The following LRP1B variants were observed in gnomAD, a reference collection of about 807,000 sequenced individuals.
The protein encoded by LRP1B is LDL receptor related protein 1B.
In LRP1B, 217 loss-of-function variants were observed where a neutral mutation model predicts 556.6. That is an observed-to-expected ratio of 0.39 (90% CI 0.35 to 0.44). The LOEUF is 0.44. Ranked by LOEUF, LRP1B falls within the 20% of genes least tolerant of loss-of-function variation. The pLI is 1.00. For synonymous variants in LRP1B, 2,047 were observed against 1,865.8 expected (o/e 1.10, Z -2.50); for missense variants, 5,053 against 5,620.8 (o/e 0.90, Z 3.23).
intron 7 of LRP1B, among the ~76,000 whole-genome samples, chr2:141,068,959 T>C (rs966856761): frequency 6.6e-6 from 1 of 152,076 alleles, no homozygotes; most frequent in African/African-American, 2.4e-5. Context: ...AAATATTATT[T>C]TGGCCTAAAT....
intron 2 of LRP1B, among the ~76,000 whole-genome samples, chr2:141,663,466 A>G (rs1443429679): frequency 6.6e-6 from 1 of 152,138 alleles, no homozygotes; most frequent in Non-Finnish European, 1.5e-5. Flanking sequence ...AAGAAAATGG[A>G]GAAGAATCCG....
intron 14 of LRP1B, among the ~76,000 whole-genome samples, chr2:141,008,347 G>A (rs937001021): frequency 9.3e-5 from 14 of 151,046 alleles, no homozygotes; most frequent in South Asian, 2.1e-4. Flanking sequence ...ATATGTGATC[G>A]TCTAAATGAC....
At chr2:141,590,532 TCAAA>T (rs1200094001) in intron 2 of LRP1B, among the ~76,000 whole-genome samples, 2 of 152,138 alleles carry the variant, frequency 1.3e-5, no homozygotes, top group East Asian at 3.9e-4. Flanking sequence ...GAATTAAGCC[TCAAA>T]CAGTTTTTTT....
intron 18 of LRP1B, among the ~76,000 whole-genome samples, chr2:140,968,361 G>T (rs1696298337): frequency 6.6e-6 from 1 of 151,844 alleles, no homozygotes; most frequent in South Asian, 2.1e-4. Context: ...GTATTTCTGT[G>T]GTATTGGTGG....
At chr2:141,072,266 C>A (rs993345941) in intron 7 of LRP1B, among the ~76,000 whole-genome samples, 1 of 152,094 alleles carries the variant, frequency 6.6e-6, no homozygotes, top group African/African-American at 2.4e-5. Context: ...TCACTGACAG[C>A]ACCCATCCTT....
chr2:141,005,604 T>G (rs1697550627), intron 14 of LRP1B, 147 bp from the exon 15 acceptor site: 2 of 620,816 alleles, frequency 3.2e-6, no homozygotes, highest in Non-Finnish European at 2.4e-6. Flanking sequence ...GAATCATAAC[T>G]AAATTCAATA....
intron 66 of LRP1B, among the ~76,000 whole-genome samples, chr2:140,389,860 G>T (rs2105206982): frequency 6.6e-6 from 1 of 152,076 alleles, no homozygotes; most frequent in South Asian, 2.1e-4. Context: ...GGGCGTGGTG[G>T]TGGCTCACAC....
At chr2:141,893,083 T>TTAAACC (rs1699340145) in intron 1 of LRP1B, among the ~76,000 whole-genome samples, 1 of 152,236 alleles carries the variant, frequency 6.6e-6, no homozygotes, top group African/African-American at 2.4e-5. Flanking sequence ...CTGGGTCTAT[T>TTAAACC]TAAACCCTTC....
rs922189792 is a variant in LRP1B, at chr2:140,993,027, C to T, written c.2644+968G>A. Among the ~76,000 whole-genome samples the T allele has an allele frequency of 8.6e-5, 13 of 151,782 alleles. 1 individual carries two copies. Among genetic ancestry groups the T allele is most frequent in the Non-Finnish European group, 1.9e-4 (13 of 67,926 alleles). Reference sequence around the variant, plus strand: ...AAGTTCATATTCTTGAGATTTTTGTCCTGAAGCATCGATGTTTGAATAAAA... The same window carrying T: ...AAGTTCATATTCTTGAGATTTTTGTTCTGAAGCATCGATGTTTGAATAAAA... On this transcript the variant is annotated intron_variant, in intron 16 of 90. Coordinates refer to ENST00000389484, the MANE Select transcript of LRP1B (RefSeq NM_018557.3).
At chr2:140,269,469 A>C (rs983934738) in intron 86 of LRP1B, 19 of 429,094 alleles carry the variant, frequency 4.4e-5, no homozygotes, top group Admixed American at 4.0e-4. Flanking sequence ...CAGAGATAGT[A>C]ACATTCAAAC....
At chr2:140,735,148 T>C (rs1244266213) in intron 35 of LRP1B, among the ~76,000 whole-genome samples, 1 of 152,114 alleles carries the variant, frequency 6.6e-6, no homozygotes, top group East Asian at 1.9e-4. Flanking sequence ...GAGTAGCATG[T>C]GGGGCAATGG....
At chr2:141,331,965 T>A (rs1279713271) in intron 3 of LRP1B, among the ~76,000 whole-genome samples, 1 of 152,154 alleles carries the variant, frequency 6.6e-6, no homozygotes, top group Non-Finnish European at 1.5e-5. Context: ...TTATTTATAT[T>A]TTAAAAATTA....
chr2:142,114,115 C>G (rs1707102419), intron 1 of LRP1B, among the ~76,000 whole-genome samples: 1 of 152,122 alleles, frequency 6.6e-6, no homozygotes, highest in Non-Finnish European at 1.5e-5. Context: ...CAGTGTCTTA[C>G]CTCCCAGTTC....
intron 3 of LRP1B, among the ~76,000 whole-genome samples, chr2:141,322,116 T>C (rs113574418): frequency 0.021 from 3,197 of 152,182 alleles, 56 homozygotes; most frequent in Non-Finnish European, 0.034. Flanking sequence ...TTTGAAAATA[T>C]TAACCCAGTG....
chr2:141,348,793 C>A (rs1436126029), intron 3 of LRP1B, among the ~76,000 whole-genome samples: 1 of 151,946 alleles, frequency 6.6e-6, no homozygotes, highest in South Asian at 2.1e-4. Context: ...TTTGAATTCC[C>A]AAGTGCTGTG....
intron 35 of LRP1B, among the ~76,000 whole-genome samples, chr2:140,722,771 C>T (rs1370927809): frequency 6.6e-6 from 1 of 152,172 alleles, no homozygotes; most frequent in Admixed American, 6.5e-5. Context: ...GGACCGGGCG[C>T]AGTGGCTCAC....
rs755659973 is a variant in LRP1B at position 140,841,036 on chromosome 2, T to A, written c.4996A>T (p.Ile1666Phe). The A allele has an allele frequency of 4.3e-6, 7 of 1,613,366 alleles. No homozygotes were observed. In the African/African-American group the frequency reaches 9.3e-5, roughly 22 times the overall value. Residue 1666 changes from isoleucine to phenylalanine, a missense_variant, in exon 30 of 91, where the codon ATT becomes TTT. Ile to Phe is a conservative substitution (Grantham distance 21). Around this residue, in one of 5 missense-constraint regions of LRP1B, gnomAD observed 3,619 missense variants for 3,931.9 expected, o/e 0.92. Transcript: ENST00000389484. ...TGCGTTTCATCAAATTCTGAGCTAA[T>A]CCAGTATAAATTACGTGACACCCAA... is the stretch of plus-strand genomic sequence containing the variant. ...VDWVSRNLYWISSEFDETQIN... is the reference protein window; with the variant it reads ...VDWVSRNLYWFSSEFDETQIN...
At chr2:141,563,821 CTG>C (rs1458027438) in intron 2 of LRP1B, among the ~76,000 whole-genome samples, 1 of 151,886 alleles carries the variant, frequency 6.6e-6, no homozygotes, top group Admixed American at 6.6e-5. Flanking sequence ...AAGCTAAACA[CTG>C]AGTACTTACG....
At chr2:141,106,196 A>G (rs1700598050) in intron 7 of LRP1B, among the ~76,000 whole-genome samples, 1 of 152,140 alleles carries the variant, frequency 6.6e-6, no homozygotes, top group African/African-American at 2.4e-5. Context: ...TCTTCTAACC[A>G]ATTTTTCTGA....
Sources: gnomAD v4.1 joint callset for allele counts (sites outside exome capture counted in the v4.1 genomes callset) on GRCh38, gnomAD v4.1.1 for gene constraint, gnomAD v4.1.1 regional missense constraint, MANE v1.5 for transcripts, NCBI Gene and HGNC (gene_info 2026-07-23, HGNC 2026-07-21) for gene names.